Variants in ABL1 observed in about 807,000 individuals in gnomAD.
ABL1 encodes tyrosine-protein kinase ABL1.
In ABL1, 11 loss-of-function variants were observed where a neutral mutation model predicts 94.7. The observed-to-expected ratio is 0.12, with a 90% CI of 0.07 to 0.19. The LOEUF (loss-of-function observed/expected upper bound fraction) is 0.19, where lower values mean the gene tolerates loss of function less well. Among genes scored for constraint, ABL1 ranks in the 10% least tolerant of loss-of-function variants. The pLI is 1.00. For synonymous variants in ABL1, 656 were observed against 622.4 expected (o/e 1.05, Z -0.80); for missense variants, 1,082 against 1,489.4 (o/e 0.73, Z 4.50).
At chr9:130,831,589 T>C (rs1830495610), upstream of ABL1, among the ~76,000 whole-genome samples, 1 of 152,142 alleles carries the variant, frequency 6.6e-6, no homozygotes, top group African/African-American at 2.4e-5. Context: ...TCTTCCCTCT[T>C]CCAAAACAGT....
chr9:130,884,095 C>A lies in ABL1; in HGVS notation c.1805C>A (p.Ala602Asp). Residue 602 changes from alanine (A) to aspartate (D), a missense_variant, in exon 11 of 11, where the codon GCC (alanine) becomes GAC (aspartate). Transcript: ENST00000318560. This position sits in a 1 kb window ranked among gnomAD's most constrained non-coding sequence, Gnocchi z 5.6. ...PKDKKTNLFS[A>D]LIKKKKKTAP... ...GACAAAAAGACCAACTTGTTCAGCG[C>A]CTTGATCAAGAAGAAGAAGAAGACA... is the stretch of plus-strand genomic sequence containing the variant. 1 of 1,613,844 alleles carries A rather than the reference C, an allele frequency of 6.2e-7. No homozygotes were observed. Among genetic ancestry groups the A allele is most frequent in the Non-Finnish European group, 8.5e-7 (1 of 1,180,024 alleles).
intron 1 of ABL1, among the ~76,000 whole-genome samples, chr9:130,846,662 A>G (rs935569862): frequency 1.3e-5 from 2 of 152,196 alleles, no homozygotes; most frequent in Non-Finnish European, 2.9e-5. Context: ...GAAGGTGGGA[A>G]GCTTCCCGGG....
At chr9:130,835,065 C>A, upstream of ABL1, 1 of 320,208 alleles carries the variant, frequency 3.1e-6, no homozygotes, top group Non-Finnish European at 6.2e-6. This position sits in a 1 kb window ranked among gnomAD's most constrained non-coding sequence, Gnocchi z 4.6. Flanking sequence ...GGGCCGCGCG[C>A]GGCCTTCCCC....
chr9:130,884,960 G>C lies in ABL1; in HGVS notation c.2670G>C (p.Gly890=). 1 of 1,611,408 alleles carries C rather than the reference G, an allele frequency of 6.2e-7. No individual in the cohort carries two copies. Among genetic ancestry groups the C allele is most frequent in the Non-Finnish European group, 8.5e-7 (1 of 1,179,568 alleles). The change falls in exon 11 of 11, where the codon GGG becomes GGC. Residue 890 remains glycine (G), a synonymous_variant. Coordinates refer to ENST00000318560, the MANE Select transcript of ABL1 (RefSeq NM_005157.6). The surrounding 1 kb of genome is among the most constrained non-coding windows in gnomAD (Gnocchi z 5.6). ...HSSESPGRDK[G]KLSRLKPAPP... ...CTGAGTCGCCAGGGAGGGACAAGGG[G>C]AAATTGTCCAGGCTCAAACCTGCCC...
intron 4 of ABL1, among the ~76,000 whole-genome samples, chr9:130,868,864 C>A (rs1588275201): frequency 6.6e-6 from 1 of 152,014 alleles, no homozygotes; most frequent in Non-Finnish European, 1.5e-5. Context: ...AAGGAGGAAA[C>A]TGATTAGAAA....
intron 1 of ABL1, among the ~76,000 whole-genome samples, chr9:130,737,765 C>G (rs986863810): frequency 6.6e-6 from 1 of 151,700 alleles, no homozygotes. Context: ...TCCTTGGCAT[C>G]TGCTTGTGCC....
chr9:130,829,199 A>ACCCT (rs1424970211), intron 1 of ABL1, among the ~76,000 whole-genome samples: 1 of 152,106 alleles, frequency 6.6e-6, no homozygotes, highest in Non-Finnish European at 1.5e-5. Flanking sequence ...TTAGACATGC[A>ACCCT]CCCTCCCTCC....
chr9:130,754,850 T>G (rs1832023428), intron 1 of ABL1, among the ~76,000 whole-genome samples: 1 of 152,074 alleles, frequency 6.6e-6, no homozygotes, highest in African/African-American at 2.4e-5. Flanking sequence ...TCAGGGAGAT[T>G]ATTGTCTGCT....
chr9:130,827,980 A>G (rs1830447208), intron 1 of ABL1, among the ~76,000 whole-genome samples: 1 of 151,450 alleles, frequency 6.6e-6, no homozygotes, highest in Non-Finnish European at 1.5e-5. Flanking sequence ...AAAAAGAACT[A>G]TTCTTTGCTA....
In ABL1 at chr9:130,738,563, A is replaced by G. The variant is rs75532441; in HGVS notation, c.136+24108A>G. Among the ~76,000 whole-genome samples the G allele has an allele frequency of 8.4e-3, 1,280 of 152,208 alleles. 28 individuals carry two copies. Among genetic ancestry groups the G allele is most frequent in the African/African-American group, 0.03 (1,246 of 41,540 alleles). ...CCCAGATAATGGCCTTTCATTCACT[A>G]TTGTTTCATTATCATGTTGATGAGA... On this transcript the variant is annotated intron_variant, in intron 1 of 10. Transcript: ENST00000372348.
chr9:130,737,260 A>T (rs959406411), intron 1 of ABL1, among the ~76,000 whole-genome samples: 28 of 152,120 alleles, frequency 1.8e-4, no homozygotes, highest in Middle Eastern at 3.4e-3. Context: ...TTAAAAAAAA[A>T]TTTATTTTAT....
At chr9:130,868,162 G>C (rs543158764) in intron 4 of ABL1, among the ~76,000 whole-genome samples, 1 of 152,078 alleles carries the variant, frequency 6.6e-6, no homozygotes. Context: ...GTTTCACCAT[G>C]TTAGCCAGGA....
intron 1 of ABL1, among the ~76,000 whole-genome samples, chr9:130,819,284 G>A (rs980638725): frequency 2.6e-5 from 4 of 151,988 alleles, no homozygotes; most frequent in Admixed American, 6.6e-5. Flanking sequence ...CCCAGGAGGC[G>A]GGGAGGTTGT....
chr9:130,751,140 T>TTTTTTTC (rs1831960670), intron 1 of ABL1, among the ~76,000 whole-genome samples: 1 of 105,946 alleles, frequency 9.4e-6, no homozygotes, highest in African/African-American at 4.3e-5. Flanking sequence ...TTTTTTTTTT[T>TTTTTTTC]TTTTTTTTTT....
intron 1 of ABL1, among the ~76,000 whole-genome samples, chr9:130,773,944 T>C (rs1359121741): frequency 6.6e-6 from 1 of 152,216 alleles, no homozygotes; most frequent in Non-Finnish European, 1.5e-5. Context: ...TTTGTAATTC[T>C]TCCCTGATTT....
chr9:130,876,396 A>C (rs566195060), intron 7 of ABL1, among the ~76,000 whole-genome samples: 4 of 147,372 alleles, frequency 2.7e-5, no homozygotes, highest in African/African-American at 1.1e-4. Context: ...TTTTTAAAAT[A>C]ACAAATTACT....
chr9:130,758,263 C>T (rs554986243), intron 1 of ABL1, among the ~76,000 whole-genome samples: 2 of 151,828 alleles, frequency 1.3e-5, no homozygotes, highest in Admixed American at 1.3e-4. Flanking sequence ...TGGGTTCAAG[C>T]CATTTTCCTG....
upstream of ABL1, among the ~76,000 whole-genome samples, chr9:130,831,196 A>T (rs1830490992): frequency 6.6e-6 from 1 of 152,206 alleles, no homozygotes; most frequent in African/African-American, 2.4e-5. Flanking sequence ...GCTATGCTGG[A>T]AACAGTGAAG....
intron 1 of ABL1, among the ~76,000 whole-genome samples, chr9:130,750,934 C>G (rs1239186100): frequency 6.6e-6 from 1 of 151,664 alleles, no homozygotes; most frequent in Non-Finnish European, 1.5e-5. Context: ...TGTGAGCCAC[C>G]ACGCCCGGCC....
Sources: allele counts gnomAD v4.1 joint callset (sites outside exome capture counted in the v4.1 genomes callset), GRCh38; gene constraint gnomAD v4.1.1; non-coding constraint Gnocchi (gnomAD v3.1); transcripts MANE v1.5; gene names NCBI Gene and HGNC (gene_info 2026-07-23, HGNC 2026-07-21).